The following CEP128 variants were observed in gnomAD, a reference collection of about 807,000 sequenced individuals.
CEP128 encodes the protein centrosomal protein 128.
A neutral mutation model predicts 156.7 loss-of-function variants in CEP128; 132 were observed. The ratio of observed to expected loss-of-function variants is 0.84; its 90% CI spans 0.73 to 0.97. CEP128 has a LOEUF of 0.97. CEP128 is among the 50% of genes least tolerant of loss of function. The pLI, the probability that CEP128 is intolerant of heterozygous loss-of-function variation, is 0.00. For missense variants in CEP128, 1,252 were observed against 1,281.9 expected (o/e 0.98, Z 0.36); for synonymous variants, 469 against 448.9 (o/e 1.04, Z -0.57).
chr14:80,709,685 C>T (rs1338433901), intron 19 of CEP128, among the ~76,000 whole-genome samples: 1 of 151,948 alleles, frequency 6.6e-6, no homozygotes. Context: ...ACTAATATGC[C>T]TTTCATTTCT....
intron 2 of CEP128, among the ~76,000 whole-genome samples, chr14:80,923,078 A>G (rs974933244): frequency 6.6e-6 from 1 of 152,240 alleles, no homozygotes; most frequent in Admixed American, 6.5e-5. Context: ...AAGTCTCTGG[A>G]ATCTTAGAGC....
intron 19 of CEP128, among the ~76,000 whole-genome samples, chr14:80,643,862 T>G (rs565713238): frequency 3.3e-5 from 5 of 152,162 alleles, no homozygotes; most frequent in Non-Finnish European, 5.9e-5. Context: ...AAACAGTGAC[T>G]AGTGAACTCC....
intron 19 of CEP128, 53 bp downstream of exon 19, chr14:80,743,022 T>C (rs757062059): frequency 6.6e-7 from 1 of 1,514,212 alleles, no homozygotes; most frequent in Non-Finnish European, 9.1e-7. Context: ...AATCCTAGGA[T>C]TAGGATTCCA....
intron 18 of CEP128, among the ~76,000 whole-genome samples, chr14:80,751,426 G>C (rs1342374746): frequency 6.6e-6 from 1 of 152,064 alleles, no homozygotes; most frequent in African/African-American, 2.4e-5. Flanking sequence ...AGTGTCTTGA[G>C]GAAGCAGCTT....
chr14:80,925,529 C>G (rs1261183476), intron 2 of CEP128, among the ~76,000 whole-genome samples: 1 of 152,088 alleles, frequency 6.6e-6, no homozygotes, highest in Non-Finnish European at 1.5e-5. Flanking sequence ...TTAAATATTT[C>G]TCCTTTGTAG....
chr14:80,635,476 C>T (rs1894143422), intron 19 of CEP128, among the ~76,000 whole-genome samples: 1 of 151,966 alleles, frequency 6.6e-6, no homozygotes, highest in Non-Finnish European at 1.5e-5. Flanking sequence ...GAAACATGAC[C>T]CTGTTATTGC....
intron 18 of CEP128, among the ~76,000 whole-genome samples, chr14:80,755,918 A>G (rs1899636000): frequency 6.6e-6 from 1 of 152,206 alleles, no homozygotes; most frequent in Non-Finnish European, 1.5e-5. Context: ...ATCCCATTAA[A>G]TGATAAGGGA....
At chr14:80,707,088 A>G (rs1399372175) in intron 19 of CEP128, among the ~76,000 whole-genome samples, 1 of 152,074 alleles carries the variant, frequency 6.6e-6, no homozygotes, top group East Asian at 1.9e-4. Flanking sequence ...ATTTATTTCA[A>G]TGTTGGTGGC....
At chr14:80,558,434 T>C (rs957585383) in intron 21 of CEP128, among the ~76,000 whole-genome samples, 1 of 152,026 alleles carries the variant, frequency 6.6e-6, no homozygotes, top group African/African-American at 2.4e-5. Context: ...GATTACAGGC[T>C]CTCACCACCA....
intron 19 of CEP128, among the ~76,000 whole-genome samples, chr14:80,658,837 C>T (rs1034734495): frequency 2.6e-5 from 4 of 152,136 alleles, no homozygotes; most frequent in African/African-American, 7.2e-5. Context: ...ACATTAGCTA[C>T]GAAGCTTTTC....
intron 19 of CEP128, among the ~76,000 whole-genome samples, chr14:80,664,248 CCTCAAGG>C (rs1291618087): frequency 6.6e-6 from 1 of 152,118 alleles, no homozygotes; most frequent in Non-Finnish European, 1.5e-5. Context: ...GAAAAGAAGG[CCTCAAGG>C]CCTTCTGGCA....
At chr14:80,529,302 G>A (rs1889117850) in intron 22 of CEP128, among the ~76,000 whole-genome samples, 1 of 152,122 alleles carries the variant, frequency 6.6e-6, no homozygotes, top group Non-Finnish European at 1.5e-5. Context: ...GTACAATGCT[G>A]AACTCTGAAA....
chr14:80,695,125 T>C (rs949307698), intron 19 of CEP128, among the ~76,000 whole-genome samples: 28 of 151,960 alleles, frequency 1.8e-4, no homozygotes, highest in African/African-American at 6.8e-4. Flanking sequence ...AAAATAAATT[T>C]TTTGCAGGGA....
In CEP128 at chr14:80,785,341, G is replaced by A. The variant is rs780706184; in HGVS notation, c.1765C>T (p.His589Tyr). Residue 589 changes from histidine (H) to tyrosine (Y), a missense_variant, in exon 15 of 25, where the codon CAT (histidine) becomes TAT (tyrosine). His to Tyr is a moderately conservative substitution (Grantham distance 83). Coordinates refer to ENST00000555265, the MANE Select transcript of CEP128 (RefSeq NM_152446.5). Reference sequence around the variant, plus strand: ...TTTTTCAATTCGCTCTCCAGTCTATGGATGGTATCCAGGGAATTCTTAACT... The same window carrying A: ...TTTTTCAATTCGCTCTCCAGTCTATAGATGGTATCCAGGGAATTCTTAACT... ...LEVKNSLDTI[H>Y]RLESELKKQS... The A allele has an allele frequency of 1.2e-6, 2 of 1,614,110 alleles. No homozygotes were observed. Among genetic ancestry groups the A allele is most frequent in the Non-Finnish European group, 1.7e-6 (2 of 1,179,986 alleles).
intron 21 of CEP128, among the ~76,000 whole-genome samples, chr14:80,547,652 G>T (rs1228195626): frequency 6.6e-6 from 1 of 152,110 alleles, no homozygotes; most frequent in African/African-American, 2.4e-5. Flanking sequence ...ACATAGTAGG[G>T]ACATAATAAA....
chr14:80,536,354 C>A (rs1382084445), intron 21 of CEP128, among the ~76,000 whole-genome samples: 1 of 151,960 alleles, frequency 6.6e-6, no homozygotes, highest in African/African-American at 2.4e-5. Flanking sequence ...TTATTGAAAT[C>A]ATATGTGTTT....
At chr14:80,958,810 T>G (rs1004156810) in intron 1 of CEP128, among the ~76,000 whole-genome samples, 1 of 152,318 alleles carries the variant, frequency 6.6e-6, no homozygotes, top group East Asian at 1.9e-4. Flanking sequence ...TACTGAGGCA[T>G]GTTCTCTCAC....
chr14:80,598,234 C>A (rs1167612129), intron 19 of CEP128, among the ~76,000 whole-genome samples: 3 of 151,808 alleles, frequency 2.0e-5, no homozygotes, highest in African/African-American at 7.3e-5. Context: ...TAAAAGCCCA[C>A]CTCAAACAAC....
At chr14:80,898,864 A>G (rs1016049608) in intron 7 of CEP128, among the ~76,000 whole-genome samples, 6 of 152,216 alleles carry the variant, frequency 3.9e-5, no homozygotes, top group Admixed American at 3.9e-4. Context: ...TGTGAAAATG[A>G]TTTTGAACCA....
Sources: gnomAD v4.1 joint callset for allele counts (sites outside exome capture counted in the v4.1 genomes callset) on GRCh38, gnomAD v4.1.1 for gene constraint, MANE v1.5 for transcripts, NCBI Gene and HGNC (gene_info 2026-07-23, HGNC 2026-07-21) for gene names.